The following PTPRS variants were observed in gnomAD, a reference collection of about 807,000 sequenced individuals.
The protein encoded by PTPRS is protein tyrosine phosphatase receptor type S, also known as receptor-type tyrosine-protein phosphatase S.
Under a neutral mutation model 215.3 loss-of-function variants are expected in PTPRS, and 63 were observed. The observed-to-expected ratio is 0.29, with a 90% CI of 0.24 to 0.36. The LOEUF (loss-of-function observed/expected upper bound fraction) is 0.36, where lower values mean the gene tolerates loss of function less well. Ranked by LOEUF, PTPRS falls within the 10% of genes least tolerant of loss-of-function variation. PTPRS has a pLI of 1.00. For missense variants in PTPRS, 2,258 were observed against 2,825.8 expected, an observed-to-expected ratio of 0.80 and a Z score of 4.56; for synonymous variants, 1,404 against 1,191.4, an observed-to-expected ratio of 1.18 and a Z score of -3.68.
In PTPRS at chr19:5,293,080, G is replaced by A. The variant is rs879800003; in HGVS notation, c.-94-6846C>T. The A allele has an allele frequency of 1.3e-5, 2 of 151,828 alleles. No individual in the cohort carries two copies. Among genetic ancestry groups the A allele is most frequent in the East Asian group, 1.9e-4 (1 of 5,138 alleles). 9.4% of individuals were successfully genotyped at this position (151,828 alleles called of 1,614,324 possible). ...TCGGAGCCTGGAGGGGGCGCGACAA[G>A]AGAGACAAAGCCCGGGGCGGCCCGG... On this transcript the variant is annotated intron_variant, in intron 1 of 37. Transcript: ENST00000262963. The surrounding 1 kb of genome is among the most constrained non-coding windows in gnomAD (Gnocchi z 8.4).
intron 17 of PTPRS, among the ~76,000 whole-genome samples, chr19:5,224,986 C>T (rs996964480): frequency 2.2e-4 from 33 of 152,046 alleles, no homozygotes; most frequent in African/African-American, 7.5e-4. Context: ...GAGCTTGTTC[C>T]GCCCACCACC....
rs1000344053 is a variant in PTPRS at position 5,244,860 on chromosome 19, G to A, written c.989-378C>T. 8.9e-6 allele frequency among the ~76,000 whole-genome samples: 1 copy of A among 112,166 alleles called. No individual in the cohort carries two copies. The highest frequency in any genetic ancestry group is 1.7e-5 in the Non-Finnish European group (1 of 58,890). 73.6% of individuals were successfully genotyped at this position (112,166 alleles called of 152,430 possible). A position where few individuals can be genotyped will look rare whatever the true frequency, so the allele number is the denominator to read the frequency against. On this transcript the variant is annotated intron_variant, in intron 10 of 37. Transcript: ENST00000262963. This position sits in a 1 kb window ranked among gnomAD's most constrained non-coding sequence, Gnocchi z 7.2. ...AATTTTTTGTATTTTCAGTTGAGAC[G>A]GGTTTCACTGTGTTAGCCAGGATGG...
At chr19:5,315,753 AGGAGCTC>A (rs2049856572) in intron 1 of PTPRS, among the ~76,000 whole-genome samples, 1 of 146,868 alleles carries the variant, frequency 6.8e-6, no homozygotes, top group South Asian at 2.1e-4. Flanking sequence ...CAGCCTTCTG[AGGAGCTC>A]GGAACACAGG....
In PTPRS at chr19:5,265,096, G is replaced by C; in HGVS notation, c.480C>G (p.Gly160=). The C allele has an allele frequency of 1.9e-6, 3 of 1,614,192 alleles. No individual in the cohort carries two copies. Among genetic ancestry groups the C allele is most frequent in the Non-Finnish European group, 1.7e-6 (2 of 1,180,036 alleles). The change falls in exon 5 of 38, where the codon GGC becomes GGG. Residue 160 remains glycine, a synonymous_variant. Coordinates refer to ENST00000262963, the MANE Select transcript of PTPRS (RefSeq NM_002850.4). ...ACCAGGTGATCTCAGGGTCAGGGTT[G>C]CCGCTGGCTGCACAGAGCATGGTGG... is the stretch of plus-strand genomic sequence containing the variant. ...RTATMLCAAS[G]NPDPEITWFK...
At position 5,258,024 on chromosome 19, in the gene PTPRS, G is replaced by A. The variant is rs138224327; in HGVS notation, c.699C>T (p.Tyr233=). The change falls in exon 8 of 38, where the codon TAC becomes TAT. Residue 233 remains tyrosine (Y), a synonymous_variant. Transcript: ENST00000262963. ...GGACGCGGCGTTCCCTACCTCGCAC[G>A]TAGAGGTTGGCAGGTGAGGAGTAGC... ...GVRYSSPANL[Y]VRELREVRRV... is the part of the protein sequence containing the mutation. The A allele has an allele frequency of 1.7e-5, 28 of 1,613,312 alleles. No homozygotes were observed. Among genetic ancestry groups the A allele is most frequent in the Middle Eastern group, 3.3e-4 (2 of 6,076 alleles).
chr19:5,310,069 C>G (rs1048819566), intron 1 of PTPRS, among the ~76,000 whole-genome samples: 14 of 152,324 alleles, frequency 9.2e-5, no homozygotes, highest in African/African-American at 2.6e-4. Context: ...CCTCCCCCTC[C>G]TCACTCTGCT....
At chr19:5,266,527 C>A (rs553032703) in intron 4 of PTPRS, among the ~76,000 whole-genome samples, 2 of 151,948 alleles carry the variant, frequency 1.3e-5, no homozygotes, top group Non-Finnish European at 2.9e-5. Flanking sequence ...ACTCCACGCC[C>A]GGCTAATTTT....
intron 1 of PTPRS, among the ~76,000 whole-genome samples, chr19:5,317,163 T>C (rs759726463): frequency 2.0e-4 from 31 of 152,202 alleles, no homozygotes; most frequent in Non-Finnish European, 4.0e-4. Flanking sequence ...AAATATTACT[T>C]GGGTAAACAA....
chr19:5,220,209 G>A (rs184998485), intron 21 of PTPRS, 51 bp downstream of exon 21: 22 of 1,608,358 alleles, frequency 1.4e-5, no homozygotes, highest in South Asian at 4.4e-5. Context: ...AACAGAGCAC[G>A]TGAAAACTGG....
At chr19:5,208,521 G>A (rs570779500) in intron 35 of PTPRS, 130 bp from the exon 36 acceptor site, 189 of 985,712 alleles carry the variant, frequency 1.9e-4, no homozygotes, top group East Asian at 5.9e-4. Flanking sequence ...CACTCTTGTC[G>A]CCCAGGTTGG....
At chr19:5,286,442 T>A (rs112169965) in intron 1 of PTPRS, 2 of 411,380 alleles carry the variant, frequency 4.9e-6, no homozygotes, top group Non-Finnish European at 9.2e-6. Context: ...CAAAAAATCA[T>A]ATGTTGAAAC....
intron 7 of PTPRS, among the ~76,000 whole-genome samples, chr19:5,260,465 C>A (rs546038738): frequency 2.4e-4 from 37 of 152,314 alleles, no homozygotes; most frequent in Middle Eastern, 6.8e-3. Context: ...CAGGCGTGAA[C>A]CACCGCGCCC....
intron 9 of PTPRS, among the ~76,000 whole-genome samples, chr19:5,249,395 C>T (rs888923435): frequency 2.6e-5 from 4 of 152,196 alleles, no homozygotes. Flanking sequence ...CTTATTTCTT[C>T]CTTCTAACAA....
intron 9 of PTPRS, among the ~76,000 whole-genome samples, chr19:5,247,294 A>G (rs1204674198): frequency 6.6e-6 from 1 of 151,932 alleles, no homozygotes. Context: ...CTTAGCGGGG[A>G]AGTGGATGCA....
In PTPRS at chr19:5,257,889, C is replaced by G. The variant is rs1365744747; in HGVS notation, c.706+128G>C. 1.3e-6 allele frequency: 1 copy of G among 757,934 alleles called. No individual in the cohort carries two copies. Among genetic ancestry groups the G allele is most frequent in the African/African-American group, 1.7e-5 (1 of 57,390 alleles). The allele number at this position is 757,934 out of a possible 1,614,324, so 47.0% of individuals were successfully genotyped here. On this transcript the variant is annotated intron_variant, in intron 8 of 37. Transcript: ENST00000262963. The surrounding 1 kb of genome is among the most constrained non-coding windows in gnomAD (Gnocchi z 4.4). ...CGCCGCCTCGGCCAAGGTCCCACCGCGACCGGGGAGGGGCCTTCCTGCTTG... is the reference window on the plus strand; with the variant it reads ...CGCCGCCTCGGCCAAGGTCCCACCGGGACCGGGGAGGGGCCTTCCTGCTTG...
chr19:5,313,297 C>T (rs2049768009), intron 1 of PTPRS, among the ~76,000 whole-genome samples: 1 of 152,106 alleles, frequency 6.6e-6, no homozygotes, highest in South Asian at 2.1e-4. Flanking sequence ...TAATAAGTGC[C>T]CTGGAGATGC....
chr19:5,230,090 G>A (rs1323344216), intron 14 of PTPRS, among the ~76,000 whole-genome samples: 1 of 152,218 alleles, frequency 6.6e-6, no homozygotes, highest in Non-Finnish European at 1.5e-5. Context: ...GGCAAAGCCA[G>A]GATTTGCACC....
chr19:5,240,567 C>T (rs1321333807), intron 11 of PTPRS, among the ~76,000 whole-genome samples: 1 of 152,166 alleles, frequency 6.6e-6, no homozygotes, highest in Non-Finnish European at 1.5e-5. Context: ...CGGCCGGGCA[C>T]GGTGGCTCAC....
intron 1 of PTPRS, among the ~76,000 whole-genome samples, chr19:5,305,765 A>T (rs199546347): frequency 0.068 from 6,295 of 93,252 alleles, 193 homozygotes; most frequent in East Asian, 0.16. Context: ...ATATATATAT[A>T]TTTTTTTTTT....
Sources: gnomAD v4.1 joint callset for allele counts (sites outside exome capture counted in the v4.1 genomes callset) on GRCh38, gnomAD v4.1.1 for gene constraint, Gnocchi (gnomAD v3.1) non-coding constraint, MANE v1.5 for transcripts, NCBI Gene and HGNC (gene_info 2026-07-23, HGNC 2026-07-21) for gene names.